GCNT2: variants seen among roughly 807,000 people sequenced by gnomAD.
GCNT2 encodes glucosaminyl (N-acetyl) transferase 2 (I blood group), also known as N-acetyllactosaminide beta-1,6-N-acetylglucosaminyl-transferase.
GCNT2 carries 34 observed loss-of-function variants against 34.2 expected under a neutral mutation model. The ratio of observed to expected loss-of-function variants is 1.00; its 90% confidence interval spans 0.76 to 1.32. The LOEUF (loss-of-function observed/expected upper bound fraction) is 1.32, where lower values mean the gene tolerates loss of function less well. GCNT2 is among the 40% of genes most tolerant of loss of function. GCNT2 has a pLI of 0.00. For missense variants in GCNT2, 584 were observed against 489.4 expected, an observed-to-expected ratio of 1.19 and a Z score of -1.82; for synonymous variants, 212 against 188.0, an observed-to-expected ratio of 1.13 and a Z score of -1.04.
At chr6:10,600,509 C>T (rs916648996) in intron 3 of GCNT2, among the ~76,000 whole-genome samples, 3 of 152,132 alleles carry the variant, frequency 2.0e-5, no homozygotes, top group Non-Finnish European at 4.4e-5. Flanking sequence ...ACAATTCCGC[C>T]AGTTCCCAAA....
At chr6:10,594,566 A>C (rs1219820608) in intron 3 of GCNT2, among the ~76,000 whole-genome samples, 1 of 152,222 alleles carries the variant, frequency 6.6e-6, no homozygotes, top group Non-Finnish European at 1.5e-5. Flanking sequence ...ATGGCTACTT[A>C]GTAAGGCTGT....
chr6:10,589,132 TGTG>T (rs1291590278), intron 3 of GCNT2, among the ~76,000 whole-genome samples: 1 of 138,948 alleles, frequency 7.2e-6, no homozygotes, highest in African/African-American at 2.8e-5. Context: ...GTATGTGTGG[TGTG>T]GTTATGTGGT....
chr6:10,575,969 T>G (rs1003724034), intron 3 of GCNT2, among the ~76,000 whole-genome samples: 17 of 152,134 alleles, frequency 1.1e-4, no homozygotes, highest in Admixed American at 3.3e-4. Context: ...CTTTTCAGAC[T>G]CAGCCCGCCT....
chr6:10,584,568 T>C (rs1253417530), intron 3 of GCNT2, among the ~76,000 whole-genome samples: 1 of 152,140 alleles, frequency 6.6e-6, no homozygotes, highest in Admixed American at 6.5e-5. Flanking sequence ...TCTCAGGTTG[T>C]CTCAGTGGGG....
At chr6:10,552,080 T>C (rs901850513) in intron 3 of GCNT2, among the ~76,000 whole-genome samples, 3 of 152,168 alleles carry the variant, frequency 2.0e-5, no homozygotes, top group Admixed American at 2.0e-4. Context: ...TTTAAAATAA[T>C]GCTTTGGGTT....
intron 3 of GCNT2, among the ~76,000 whole-genome samples, chr6:10,603,602 G>A (rs770646539): frequency 4.0e-5 from 6 of 151,898 alleles, no homozygotes; most frequent in Non-Finnish European, 7.4e-5. Flanking sequence ...TGCAACCTCC[G>A]CCTCCTGGGT....
chr6:10,599,538 T>C (rs565343324), intron 3 of GCNT2, among the ~76,000 whole-genome samples: 1 of 152,262 alleles, frequency 6.6e-6, no homozygotes, highest in Admixed American at 6.5e-5. Flanking sequence ...CAGTGTGCCG[T>C]ATGAATTAGA....
chr6:10,582,289 ATAT>A (rs541921680), intron 3 of GCNT2, among the ~76,000 whole-genome samples: 1,089 of 92,752 alleles, frequency 0.012, 20 homozygotes, highest in African/African-American at 0.037. Context: ...AATATATATA[ATAT>A]TACTATATAT....
intron 3 of GCNT2, among the ~76,000 whole-genome samples, chr6:10,592,085 A>G (rs747494652): frequency 1.6e-4 from 22 of 141,116 alleles, no homozygotes; most frequent in Non-Finnish European, 3.1e-4. Flanking sequence ...GGGTAGAATC[A>G]TGTCTTAACA....
intron 3 of GCNT2, among the ~76,000 whole-genome samples, chr6:10,597,714 G>A (rs1312407974): frequency 6.8e-6 from 1 of 147,980 alleles, no homozygotes; most frequent in African/African-American, 2.5e-5. Flanking sequence ...CTCTCACCTT[G>A]TCCTCCCAGA....
intron 3 of GCNT2, among the ~76,000 whole-genome samples, chr6:10,562,751 C>A (rs1337607706): frequency 6.6e-6 from 1 of 151,328 alleles, no homozygotes; most frequent in Non-Finnish European, 1.5e-5. Flanking sequence ...ACCAACATTT[C>A]TTGGGTCCCT....
At chr6:10,537,561 C>A (rs1326950518) in intron 3 of GCNT2, among the ~76,000 whole-genome samples, 1 of 151,618 alleles carries the variant, frequency 6.6e-6, no homozygotes, top group Non-Finnish European at 1.5e-5. Flanking sequence ...ATTAGCCGGG[C>A]GTGGTGGCGG....
At chr6:10,534,715 T>C (rs1218239495) in intron 3 of GCNT2, among the ~76,000 whole-genome samples, 1 of 151,776 alleles carries the variant, frequency 6.6e-6, no homozygotes, top group Non-Finnish European at 1.5e-5. Flanking sequence ...AATCAAAAAA[T>C]AGTCAGGCGT....
chr6:10,540,697 T>G (rs1762001886), intron 3 of GCNT2, among the ~76,000 whole-genome samples: 1 of 152,222 alleles, frequency 6.6e-6, no homozygotes, highest in Admixed American at 6.5e-5. Context: ...TCTGCATGTC[T>G]AATAAGATGT....
Position 10,565,776 on chromosome 6 carries a change from C to A in GCNT2, c.925+35940C>A, listed in dbSNP as rs116787572. 9.9e-3 allele frequency among the ~76,000 whole-genome samples: 1,512 copies of A among 152,284 alleles called. 18 individuals carry two copies. Among genetic ancestry groups the A allele is most frequent in the African/African-American group, 0.034 (1,428 of 41,552 alleles). On this transcript the variant is annotated intron_variant, in intron 3 of 4. Transcript: ENST00000495262. ...CGCTCCCCCGTGACACGTTCCACTT[C>A]TGGCGCCGTCGTCTACCCTTCTTCT...
intron 3 of GCNT2, among the ~76,000 whole-genome samples, chr6:10,569,614 GC>G (rs1358471811): frequency 6.6e-6 from 1 of 152,194 alleles, no homozygotes; most frequent in East Asian, 1.9e-4. Context: ...CTCATGCTGA[GC>G]CCAGCCTGGG....
chr6:10,557,446 A>G, intron 3 of GCNT2: 1 of 897,970 alleles, frequency 1.1e-6, no homozygotes, highest in Non-Finnish European at 1.8e-6. Flanking sequence ...GAAAACTGGA[A>G]CATATATAGT....
chr6:10,567,382 C>T (rs926057217), intron 3 of GCNT2, among the ~76,000 whole-genome samples: 6 of 152,004 alleles, frequency 3.9e-5, no homozygotes, highest in African/African-American at 1.5e-4. Context: ...ACTTGAGCCC[C>T]AGAGATGAAG....
rs565714500 is a variant in GCNT2 at position 10,621,872 on chromosome 6, A to ATT, written c.1018+439_1018+440dup. On this transcript the variant is annotated intron_variant, in intron 4 of 4. Coordinates refer to ENST00000495262, the MANE Select transcript of GCNT2 (RefSeq NM_145649.5). ...AGGCGTGCACCACCACACCTGGCTA[A>ATT]TTTTTTTTTTTCTTGTAGAGTCAGC... Among the ~76,000 whole-genome samples, 177 of 148,400 alleles carry ATT rather than the reference A, an allele frequency of 1.2e-3. 1 individual carries two copies. The highest frequency in any genetic ancestry group is 4.0e-3 in the African/African-American group (161 of 40,622).
Sources: gnomAD v4.1 joint callset for allele counts (sites outside exome capture counted in the v4.1 genomes callset) on GRCh38, gnomAD v4.1.1 for gene constraint, MANE v1.5 for transcripts, NCBI Gene and HGNC (gene_info 2026-07-23, HGNC 2026-07-21) for gene names.